PACRG: variants seen among roughly 807,000 people sequenced by gnomAD.
The protein encoded by PACRG is parkin coregulated.
A neutral mutation model predicts 29.7 loss-of-function variants in PACRG; 29 were observed. The ratio of observed to expected loss-of-function variants is 0.98; its 90% CI spans 0.73 to 1.33. PACRG has a LOEUF of 1.33. PACRG is among the 40% of genes most tolerant of loss of function. The pLI is 0.00. For synonymous variants in PACRG, 116 were observed against 118.7 expected (o/e 0.98, Z 0.15); for missense variants, 279 against 316.2 (o/e 0.88, Z 0.89).
At chr6:163,181,972 T>G (rs1779697984) in intron 4 of PACRG, among the ~76,000 whole-genome samples, 1 of 152,234 alleles carries the variant, frequency 6.6e-6, no homozygotes, top group African/African-American at 2.4e-5. Flanking sequence ...GGACGAGATC[T>G]GAAACAAAGC....
intron 4 of PACRG, among the ~76,000 whole-genome samples, chr6:163,274,351 G>C (rs931568771): frequency 6.6e-6 from 1 of 152,176 alleles, no homozygotes; most frequent in Non-Finnish European, 1.5e-5. Context: ...TCCCTACAAA[G>C]GACATGAACT....
chr6:162,953,043 A>G (rs1414649987), intron 2 of PACRG, among the ~76,000 whole-genome samples: 2 of 152,214 alleles, frequency 1.3e-5, no homozygotes, highest in African/African-American at 4.8e-5. Context: ...CATTGCATTT[A>G]TCTACCTATT....
chr6:163,070,999 G>C (rs534674416), intron 3 of PACRG, among the ~76,000 whole-genome samples: 1 of 152,080 alleles, frequency 6.6e-6, no homozygotes, highest in South Asian at 2.1e-4. Flanking sequence ...GGATATAACA[G>C]TTGTAAATAT....
rs1054340111 is a variant in PACRG, at chr6:162,953,223, A to G, written c.292-108927A>G. Among the ~76,000 whole-genome samples, 9 of 152,184 alleles carry G rather than the reference A, an allele frequency of 5.9e-5. No individual in the cohort carries two copies. The South Asian group carries it at 1.0e-3, about 17-fold the overall frequency. On this transcript the variant is annotated intron_variant, in intron 2 of 4. Coordinates refer to ENST00000366888, the MANE Select transcript of PACRG (RefSeq NM_001080379.2). ...GACTTTTAGGCTCTGTAGTCACGGT[A>G]GTTAAGGAGGAGTTCAAACAGAAAT...
Position 162,971,153 on chromosome 6 carries a change from A to G in PACRG, c.292-90997A>G, listed in dbSNP as rs571338939. On this transcript the variant is annotated intron_variant, in intron 2 of 4. Coordinates refer to ENST00000366888, the MANE Select transcript of PACRG (RefSeq NM_001080379.2). The stretch of plus-strand genomic sequence containing the variant: ...TGAAGGCTTTTTATCTGCAAGTTGC[A>G]CTTGACAAGCGTTTTAGAGAGGGAA... 1.1e-4 allele frequency among the ~76,000 whole-genome samples: 16 copies of G among 152,356 alleles called. 1 individual carries two copies. The South Asian group carries it at 3.3e-3, about 32-fold the overall frequency.
chr6:162,732,335 A>C (rs529208443), intron 1 of PACRG, among the ~76,000 whole-genome samples: 99 of 152,304 alleles, frequency 6.5e-4, no homozygotes, highest in Middle Eastern at 6.8e-3. Flanking sequence ...GGCAGGAAGA[A>C]ATGAAGAGCA....
intron 1 of PACRG, among the ~76,000 whole-genome samples, chr6:162,762,601 T>C (rs1216803768): frequency 1.3e-5 from 2 of 152,204 alleles, no homozygotes; most frequent in Admixed American, 6.5e-5. Context: ...ACGATGTCTA[T>C]TTTGGTCATA....
chr6:162,810,488 G>C (rs1431311454), intron 1 of PACRG, among the ~76,000 whole-genome samples: 2 of 152,150 alleles, frequency 1.3e-5, no homozygotes, highest in African/African-American at 2.4e-5. Context: ...AGAAATGTTA[G>C]AAATGTCTAG....
At chr6:163,117,791 A>AAGG (rs375302602) in intron 4 of PACRG, among the ~76,000 whole-genome samples, 9 of 152,098 alleles carry the variant, frequency 5.9e-5, no homozygotes, top group African/African-American at 1.9e-4. Context: ...AAAGGGAGGC[A>AAGG]AGGTCACTAT....
Position 162,728,393 on chromosome 6 carries a change from T to G in PACRG, c.156+2T>G, listed in dbSNP as rs1779446135. 6.2e-7 allele frequency: 1 copy of G among 1,610,700 alleles called. No homozygotes were observed. ...AAAGCCATGATGAAAAACTCAGTCG[T>G]AAGTGATCTTCCTGAATTAAATGCA... On this transcript the variant is annotated splice_donor_variant, in intron 1 of 4. Coordinates refer to ENST00000366888, the MANE Select transcript of PACRG (RefSeq NM_001080379.2). LOFTEE classifies it high-confidence loss of function.
At position 163,041,388 on chromosome 6, in the gene PACRG, G is replaced by T. The variant is rs535351924; in HGVS notation, c.292-20762G>T. On this transcript the variant is annotated intron_variant, in intron 2 of 4. Transcript: ENST00000366888. Reference sequence around the variant, plus strand: ...CCCCATACATCAAGGGAGGGACCTGGTGGGAGGTGATTGGATCATGGGACC... The same window carrying T: ...CCCCATACATCAAGGGAGGGACCTGTTGGGAGGTGATTGGATCATGGGACC... Among the ~76,000 whole-genome samples, 3 of 152,228 alleles carry T rather than the reference G, an allele frequency of 2.0e-5. No homozygotes were observed. The East Asian group carries it at 5.8e-4, about 29-fold the overall frequency.
At chr6:162,979,785 T>C (rs965895335) in intron 2 of PACRG, among the ~76,000 whole-genome samples, 2 of 152,142 alleles carry the variant, frequency 1.3e-5, no homozygotes, top group African/African-American at 2.4e-5. Flanking sequence ...GAATAAATAA[T>C]ATATGCAGCA....
chr6:163,150,750 A>G (rs1778050040), intron 4 of PACRG, among the ~76,000 whole-genome samples: 1 of 152,248 alleles, frequency 6.6e-6, no homozygotes, highest in South Asian at 2.1e-4. Context: ...TGCTTTGACC[A>G]GTGAAATCTG....
intron 4 of PACRG, among the ~76,000 whole-genome samples, chr6:163,138,750 G>T (rs1817038221): frequency 6.6e-6 from 1 of 152,188 alleles, no homozygotes. Context: ...ACCCTGCTTG[G>T]AGATGTTCTC....
chr6:162,747,370 A>ATATATG (rs1781112296), intron 1 of PACRG, among the ~76,000 whole-genome samples: 1 of 50,534 alleles, frequency 2.0e-5, no homozygotes, highest in African/African-American at 1.0e-4. Flanking sequence ...ATATACACAT[A>ATATATG]CATATATATG....
At chr6:162,944,941 C>T (rs1798897420) in intron 2 of PACRG, among the ~76,000 whole-genome samples, 1 of 151,924 alleles carries the variant, frequency 6.6e-6, no homozygotes, top group Admixed American at 6.6e-5. Flanking sequence ...CTGAAAACCT[C>T]CCAAGTTTAG....
intron 2 of PACRG, among the ~76,000 whole-genome samples, chr6:163,015,078 A>C (rs1805972093): frequency 6.6e-6 from 1 of 152,194 alleles, no homozygotes; most frequent in Non-Finnish European, 1.5e-5. Flanking sequence ...CTAGCAAGCT[A>C]TTCCAGCACT....
At chr6:163,293,269 G>T (rs541750027) in intron 4 of PACRG, among the ~76,000 whole-genome samples, 1 of 152,314 alleles carries the variant, frequency 6.6e-6, no homozygotes, top group East Asian at 1.9e-4. Context: ...AGGGATGGCA[G>T]CATTGCATGC....
At chr6:162,727,772 C>T (rs1352937670), upstream of PACRG, 3 of 1,210,106 alleles carry the variant, frequency 2.5e-6, no homozygotes, top group East Asian at 7.7e-5. Flanking sequence ...ATCCTCCAGG[C>T]CTCCCCGCCC....
Sources: allele counts gnomAD v4.1 joint callset (sites outside exome capture counted in the v4.1 genomes callset), GRCh38; gene constraint gnomAD v4.1.1; transcripts MANE v1.5; gene names NCBI Gene and HGNC (gene_info 2026-07-23, HGNC 2026-07-21).